Variants in ADCY2 observed in about 807,000 individuals in gnomAD.
ADCY2 encodes the protein adenylate cyclase type 2.
ADCY2 carries 31 observed loss-of-function variants against 125.2 expected under a neutral mutation model. The observed-to-expected ratio is 0.25, with a 90% confidence interval of 0.19 to 0.33. ADCY2 has a LOEUF of 0.33. Ranked by LOEUF, ADCY2 falls within the 10% of genes least tolerant of loss-of-function variation. ADCY2 has a pLI of 1.00. For synonymous variants in ADCY2, 512 were observed against 548.4 expected (o/e 0.93, Z 0.93); for missense variants, 904 against 1,418.2 (o/e 0.64, Z 5.82).
intron 3 of ADCY2, among the ~76,000 whole-genome samples, chr5:7,545,275 T>G (rs1479140361): frequency 6.6e-6 from 1 of 152,210 alleles, no homozygotes; most frequent in Admixed American, 6.5e-5. Flanking sequence ...CATCCCTCTC[T>G]ACAGTGCTTC....
At chr5:7,439,158 A>G (rs1740915088) in intron 2 of ADCY2, among the ~76,000 whole-genome samples, 2 of 152,182 alleles carry the variant, frequency 1.3e-5, no homozygotes, top group Non-Finnish European at 2.9e-5. Context: ...ATCATTTTAT[A>G]AAGAAGTAGA....
In ADCY2 at chr5:7,727,264, A is replaced by G. The variant is rs769366361; in HGVS notation, c.1871+3A>G. ...GTGCAGATTCTCGTGCTGCCAAAGTAAGTACTTCTGGTTTCCACTGGGATT... is the reference window on the plus strand; with the variant it reads ...GTGCAGATTCTCGTGCTGCCAAAGTGAGTACTTCTGGTTTCCACTGGGATT... On this transcript the variant is annotated splice_donor_region_variant and intron_variant, in intron 14 of 24. Coordinates refer to ENST00000338316, the MANE Select transcript of ADCY2 (RefSeq NM_020546.3). 1 of 1,612,854 alleles carries G rather than the reference A, an allele frequency of 6.2e-7. No individual in the cohort carries two copies. Among genetic ancestry groups the G allele is most frequent in the Non-Finnish European group, 8.5e-7 (1 of 1,179,022 alleles).
At chr5:7,448,939 T>G (rs960540913) in intron 2 of ADCY2, among the ~76,000 whole-genome samples, 1 of 152,198 alleles carries the variant, frequency 6.6e-6, no homozygotes, top group Non-Finnish European at 1.5e-5. Flanking sequence ...AATGGACATA[T>G]GTGTGTATGT....
intron 3 of ADCY2, among the ~76,000 whole-genome samples, chr5:7,616,409 C>T (rs1055618462): frequency 6.6e-6 from 1 of 152,178 alleles, no homozygotes; most frequent in Non-Finnish European, 1.5e-5. Context: ...AGAAGCCTGC[C>T]TTGTATCATT....
At chr5:7,423,221 C>T (rs1740275197) in intron 2 of ADCY2, among the ~76,000 whole-genome samples, 1 of 152,200 alleles carries the variant, frequency 6.6e-6, no homozygotes, top group Admixed American at 6.5e-5. Flanking sequence ...TGGGCTCAGC[C>T]TGCAGTGTGT....
At chr5:7,707,665 T>C in intron 8 of ADCY2, 41 bp from the exon 9 acceptor site, 1 of 1,605,872 alleles carries the variant, frequency 6.2e-7, no homozygotes, top group Non-Finnish European at 8.5e-7. Context: ...TTCACACTTA[T>C]CCTTTTATGT....
At chr5:7,511,916 G>A (rs1376842932) in intron 2 of ADCY2, among the ~76,000 whole-genome samples, 1 of 151,884 alleles carries the variant, frequency 6.6e-6, no homozygotes, top group African/African-American at 2.4e-5. Context: ...TTTATTCTAA[G>A]TGTTACAGAA....
At chr5:7,501,168 T>G (rs1325453434) in intron 2 of ADCY2, among the ~76,000 whole-genome samples, 1 of 152,032 alleles carries the variant, frequency 6.6e-6, no homozygotes, top group African/African-American at 2.4e-5. Context: ...TCTTCCTTCA[T>G]TGGACTTCCT....
chr5:7,809,092 T>C (rs761387549), intron 22 of ADCY2, among the ~76,000 whole-genome samples: 10 of 152,226 alleles, frequency 6.6e-5, no homozygotes, highest in Admixed American at 3.9e-4. Flanking sequence ...ATCGACTCCA[T>C]GGCCATAGTA....
At position 7,828,642 on chromosome 5, in the gene ADCY2, C is replaced by T. The variant is rs1008813282; in HGVS notation, c.*1771C>T. ...GAATTTTTTGATCCTGTAATCACAA[C>T]TCAGCATTGGCCTTAATATACCTAA... On this transcript the variant is annotated 3_prime_UTR_variant, in exon 25 of 25. Coordinates refer to ENST00000338316, the MANE Select transcript of ADCY2 (RefSeq NM_020546.3). 1 of 152,340 alleles carries T rather than the reference C, an allele frequency of 6.6e-6. No individual in the cohort carries two copies. The highest frequency in any genetic ancestry group is 1.5e-5 in the Non-Finnish European group (1 of 68,036). The allele number at this position is 152,340 out of a possible 1,614,324, so 9.4% of individuals were successfully genotyped here.
At chr5:7,757,340 GTCT>G in intron 15 of ADCY2, 106 bp from the exon 16 acceptor site, 1 of 1,382,794 alleles carries the variant, frequency 7.2e-7, no homozygotes, top group Non-Finnish European at 9.9e-7. Flanking sequence ...TACATGTTTA[GTCT>G]ATGAACAATG....
chr5:7,526,396 T>G (rs1734463309), intron 3 of ADCY2, among the ~76,000 whole-genome samples: 1 of 152,132 alleles, frequency 6.6e-6, no homozygotes, highest in South Asian at 2.1e-4. Flanking sequence ...TTTCCAGTGT[T>G]CGGTAGTATG....
chr5:7,490,183 T>G (rs1288209334), intron 2 of ADCY2, among the ~76,000 whole-genome samples: 2 of 152,050 alleles, frequency 1.3e-5, no homozygotes. Flanking sequence ...ACATTAGTTC[T>G]TTTTCTTATT....
At chr5:7,727,130 A>T (rs746050766) in intron 13 of ADCY2, 34 bp from the exon 14 acceptor site, 4 of 1,524,234 alleles carry the variant, frequency 2.6e-6, no homozygotes, top group Non-Finnish European at 3.6e-6. Flanking sequence ...TCTCTTGGAG[A>T]ACTGTCACTC....
At chr5:7,467,394 T>C (rs1742163670) in intron 2 of ADCY2, among the ~76,000 whole-genome samples, 1 of 152,222 alleles carries the variant, frequency 6.6e-6, no homozygotes, top group South Asian at 2.1e-4. Context: ...AAGTGCTTAG[T>C]GTCCAGGAAG....
intron 24 of ADCY2, among the ~76,000 whole-genome samples, chr5:7,822,795 G>A (rs1429645602): frequency 1.3e-5 from 2 of 152,070 alleles, no homozygotes; most frequent in Non-Finnish European, 2.9e-5. Context: ...GTGGATTCAC[G>A]TTTCACCCCC....
In ADCY2 at chr5:7,802,206, T is replaced by C; in HGVS notation, c.2629-12T>C. ...TCTCCTAGTGATCAGCTCTTGCTTT[T>C]CTCCCAAGCAGGAGCTATACCACCA... On this transcript the variant is annotated splice_polypyrimidine_tract_variant and intron_variant, in intron 20 of 24. Coordinates refer to ENST00000338316, the MANE Select transcript of ADCY2 (RefSeq NM_020546.3). The surrounding 1 kb of genome is among the most constrained non-coding windows in gnomAD (Gnocchi z 4.6). 1 of 1,612,760 alleles carries C rather than the reference T, an allele frequency of 6.2e-7. No homozygotes were observed. The highest frequency in any genetic ancestry group is 8.5e-7 in the Non-Finnish European group (1 of 1,179,682).
At chr5:7,550,942 C>A (rs1158756464) in intron 3 of ADCY2, among the ~76,000 whole-genome samples, 1 of 152,120 alleles carries the variant, frequency 6.6e-6, no homozygotes, top group Non-Finnish European at 1.5e-5. Flanking sequence ...ATTTTAAAAT[C>A]AGCTTGAGAG....
intron 2 of ADCY2, among the ~76,000 whole-genome samples, chr5:7,458,722 A>G (rs370155295): frequency 3.9e-5 from 6 of 152,348 alleles, no homozygotes; most frequent in African/African-American, 1.2e-4. Flanking sequence ...TTGTAAAGCA[A>G]TTACAGAAGT....
Sources: allele counts gnomAD v4.1 joint callset (sites outside exome capture counted in the v4.1 genomes callset), GRCh38; gene constraint gnomAD v4.1.1; non-coding constraint Gnocchi (gnomAD v3.1); transcripts MANE v1.5; gene names NCBI Gene and HGNC (gene_info 2026-07-23, HGNC 2026-07-21).